NIBAN1: variants seen among roughly 807,000 people sequenced by gnomAD.
The protein encoded by NIBAN1 is niban apoptosis regulator 1.
NIBAN1 carries 81 observed loss-of-function variants against 75.1 expected under a neutral mutation model. That is an observed-to-expected ratio of 1.08 (90% CI 0.90 to 1.30). The LOEUF (loss-of-function observed/expected upper bound fraction) is 1.30. Ranked by LOEUF, NIBAN1 falls within the 50% of genes most tolerant of loss-of-function variation. NIBAN1 has a pLI of 0.00. For missense variants in NIBAN1, 1,133 were observed against 1,128.1 expected, an observed-to-expected ratio of 1.00 and a Z score of -0.06; for synonymous variants, 436 against 424.8, an observed-to-expected ratio of 1.03 and a Z score of -0.32.
intron 9 of NIBAN1, among the ~76,000 whole-genome samples, chr1:184,809,516 A>AT (rs1169696392): frequency 6.6e-6 from 1 of 151,986 alleles, no homozygotes; most frequent in African/African-American, 2.4e-5. Flanking sequence ...CAATGGAAAC[A>AT]TTTTTTAACA....
At chr1:184,974,169 G>T in intron 1 of NIBAN1, 133 bp downstream of exon 1, 2 of 931,086 alleles carry the variant, frequency 2.1e-6, no homozygotes, top group Non-Finnish European at 2.9e-6. Context: ...ACTCGCGCGG[G>T]CGGGCTGCGG....
In NIBAN1 at chr1:184,873,429, C is replaced by T. The variant is rs145853966; in HGVS notation, c.601+11204G>A. On this transcript the variant is annotated intron_variant, in intron 5 of 13. Coordinates refer to ENST00000367511, the MANE Select transcript of NIBAN1 (RefSeq NM_052966.4). The stretch of plus-strand genomic sequence containing the variant: ...AACAACAGATGCAAGAAGAGCTCCC[C>T]GCCCTTGTCCTTTTTGCTTAAAAGC... Among the ~76,000 whole-genome samples the T allele has an allele frequency of 2.7e-4, 41 of 152,296 alleles. 1 individual carries two copies. In the East Asian group the frequency reaches 6.2e-3, roughly 23 times the overall value.
chr1:184,930,480 T>C (rs1657790599), intron 1 of NIBAN1, among the ~76,000 whole-genome samples: 1 of 152,192 alleles, frequency 6.6e-6, no homozygotes, highest in Admixed American at 6.5e-5. Context: ...GAAATGAGCA[T>C]GTTCAAAGTG....
At chr1:184,872,453 G>A (rs1320593251) in intron 5 of NIBAN1, among the ~76,000 whole-genome samples, 1 of 152,046 alleles carries the variant, frequency 6.6e-6, no homozygotes, top group Non-Finnish European at 1.5e-5. Context: ...CGCCTGTAAT[G>A]CCAGCATTTT....
chr1:184,960,910 G>A (rs999377632), intron 1 of NIBAN1, among the ~76,000 whole-genome samples: 2 of 151,884 alleles, frequency 1.3e-5, no homozygotes, highest in African/African-American at 2.4e-5. Flanking sequence ...GATTACAGGC[G>A]TAAGCCACCA....
chr1:184,826,817 T>C (rs946463829), intron 6 of NIBAN1, among the ~76,000 whole-genome samples: 3 of 150,520 alleles, frequency 2.0e-5, no homozygotes, highest in Non-Finnish European at 2.9e-5. Context: ...AAAGGAAATA[T>C]GTCTGCGAGG....
intron 1 of NIBAN1, among the ~76,000 whole-genome samples, chr1:184,920,634 A>G (rs1474444553): frequency 2.0e-5 from 3 of 152,172 alleles, no homozygotes; most frequent in African/African-American, 7.2e-5. Context: ...GAGTAAGAAC[A>G]TGCAATATTT....
intron 1 of NIBAN1, among the ~76,000 whole-genome samples, chr1:184,936,920 C>T (rs1434605948): frequency 6.6e-6 from 1 of 152,056 alleles, no homozygotes; most frequent in Non-Finnish European, 1.5e-5. Context: ...AACTCATCCC[C>T]ATGATTAATA....
chr1:184,900,766 G>C (rs1020782828), intron 1 of NIBAN1, among the ~76,000 whole-genome samples: 3 of 152,178 alleles, frequency 2.0e-5, no homozygotes, highest in African/African-American at 7.2e-5. Context: ...TTGCTGCAGG[G>C]TACAGAAAGA....
intron 2 of NIBAN1, among the ~76,000 whole-genome samples, chr1:184,896,368 G>A (rs1656801769): frequency 2.0e-5 from 3 of 152,064 alleles, no homozygotes; most frequent in Admixed American, 6.6e-5. Flanking sequence ...TTTGAGAAAT[G>A]TCTGTTCATG....
intron 1 of NIBAN1, among the ~76,000 whole-genome samples, chr1:184,944,421 T>C (rs182323298): frequency 5.5e-4 from 84 of 152,348 alleles, no homozygotes; most frequent in Non-Finnish European, 7.1e-4. Flanking sequence ...GGCGTTCTTG[T>C]AGCTTCTTCC....
intron 2 of NIBAN1, among the ~76,000 whole-genome samples, chr1:184,894,576 C>A (rs969795182): frequency 2.6e-5 from 4 of 152,122 alleles, no homozygotes; most frequent in African/African-American, 9.7e-5. Flanking sequence ...AGTGTGGATA[C>A]CTACCTGGAC....
At chr1:184,830,962 T>C (rs1654983425) in intron 6 of NIBAN1, among the ~76,000 whole-genome samples, 1 of 149,976 alleles carries the variant, frequency 6.7e-6, no homozygotes, top group Non-Finnish European at 1.5e-5. Flanking sequence ...ATTGCGCCAC[T>C]GTACTCCAGC....
intron 1 of NIBAN1, among the ~76,000 whole-genome samples, chr1:184,932,811 T>C (rs1295110801): frequency 6.6e-6 from 1 of 152,214 alleles, no homozygotes; most frequent in African/African-American, 2.4e-5. Flanking sequence ...GAAAAAACTA[T>C]CTCCTTCTCT....
intron 3 of NIBAN1, among the ~76,000 whole-genome samples, chr1:184,891,551 T>C (rs1656666400): frequency 6.6e-6 from 1 of 152,178 alleles, no homozygotes; most frequent in Non-Finnish European, 1.5e-5. Context: ...AACAGTACTA[T>C]GCATTACATG....
At chr1:184,913,154 T>TTATATATATATATTA (rs1553227230) in intron 1 of NIBAN1, among the ~76,000 whole-genome samples, 2 of 146,650 alleles carry the variant, frequency 1.4e-5, no homozygotes, top group African/African-American at 5.0e-5. Context: ...TATATATATA[T>TTATATATATATATTA]TATATATATA....
At chr1:184,954,658 C>G (rs573728855) in intron 1 of NIBAN1, among the ~76,000 whole-genome samples, 1 of 152,258 alleles carries the variant, frequency 6.6e-6, no homozygotes, top group Admixed American at 6.5e-5. Flanking sequence ...TTTCGGGATG[C>G]TTATGTGTAA....
intron 1 of NIBAN1, among the ~76,000 whole-genome samples, chr1:184,941,331 C>G (rs1418163026): frequency 6.6e-6 from 1 of 152,016 alleles, no homozygotes; most frequent in African/African-American, 2.4e-5. Flanking sequence ...AGTTAAACAC[C>G]TAAAATGTCA....
intron 1 of NIBAN1, among the ~76,000 whole-genome samples, chr1:184,971,373 T>G (rs999272397): frequency 7.4e-5 from 11 of 148,898 alleles, no homozygotes; most frequent in African/African-American, 2.7e-4. Context: ...GCTTTCTTCC[T>G]CATTAAAAAA....
Sources: allele counts gnomAD v4.1 joint callset (sites outside exome capture counted in the v4.1 genomes callset), GRCh38; gene constraint gnomAD v4.1.1; transcripts MANE v1.5; gene names NCBI Gene and HGNC (gene_info 2026-07-23, HGNC 2026-07-21).